ACYP2: variants seen among roughly 807,000 people sequenced by gnomAD.
ACYP2 encodes the protein acylphosphatase 2, also known as acylphosphatase-2.
In ACYP2, 12 loss-of-function variants were observed where a neutral mutation model predicts 11.2. The ratio of observed to expected loss-of-function variants is 1.08; its 90% CI spans 0.69 to 1.74. ACYP2 has a LOEUF of 1.74. ACYP2 is among the 40% of genes most tolerant of loss of function. The probability of loss-of-function intolerance (pLI) is 0.00; values close to 1 mark genes in which losing one functional copy is unlikely to be tolerated. For missense variants in ACYP2, 134 were observed against 101.9 expected, an observed-to-expected ratio of 1.31 and a Z score of -1.35; for synonymous variants, 43 against 32.2, an observed-to-expected ratio of 1.33 and a Z score of -1.13.
chr2:54,255,703 A>G lies in ACYP2; in HGVS notation c.405-48985A>G, dbSNP rs774931245. 6.2e-6 allele frequency: 10 copies of G among 1,613,798 alleles called. No individual in the cohort carries two copies. In the Admixed American group the frequency reaches 1.2e-4, roughly 19 times the overall value. On this transcript the variant is annotated intron_variant, in intron 6 of 6. Coordinates refer to ENST00000607452, the MANE Select transcript of ACYP2 (RefSeq NM_001320586.2). ...GAACATGGCACACTCCTCAGGCTTC[A>G]CGTCCTCGGCCTTCCCCTCTGCAAT...
chr2:54,243,862 T>C (rs79732586), intron 6 of ACYP2, among the ~76,000 whole-genome samples: 5,244 of 152,062 alleles, frequency 0.034, 123 homozygotes, highest in Non-Finnish European at 0.055. Context: ...GGCAGGCCCA[T>C]AGTCCATCAC....
intron 4 of ACYP2, among the ~76,000 whole-genome samples, chr2:54,081,108 G>T (rs1677621839): frequency 6.6e-6 from 1 of 152,060 alleles, no homozygotes; most frequent in Admixed American, 6.6e-5. Flanking sequence ...TTTTATAGTG[G>T]CAGACAATGA....
At chr2:54,040,924 G>T (rs1361988347) in intron 2 of ACYP2, among the ~76,000 whole-genome samples, 1 of 152,142 alleles carries the variant, frequency 6.6e-6, no homozygotes, top group Non-Finnish European at 1.5e-5. Context: ...AAAAATGGGA[G>T]AAATAGTGTT....
intron 6 of ACYP2, among the ~76,000 whole-genome samples, chr2:54,157,487 T>G (rs1172597045): frequency 1.3e-5 from 2 of 152,248 alleles, no homozygotes; most frequent in African/African-American, 4.8e-5. Context: ...TCTGCAGTTT[T>G]TTTGCTATTA....
chr2:54,005,276 T>C (rs1041088989), intron 2 of ACYP2, among the ~76,000 whole-genome samples: 1 of 152,194 alleles, frequency 6.6e-6, no homozygotes, highest in African/African-American at 2.4e-5. Flanking sequence ...GAAAAGACTA[T>C]ATTTTCTCCA....
chr2:54,020,645 G>T (rs1038005129), intron 2 of ACYP2, among the ~76,000 whole-genome samples: 5 of 152,182 alleles, frequency 3.3e-5, no homozygotes, highest in Non-Finnish European at 7.3e-5. Context: ...CTGCTTTCTT[G>T]TGACAGCAGT....
chr2:54,282,824 TG>T (rs1688906729), intron 6 of ACYP2, among the ~76,000 whole-genome samples: 1 of 152,168 alleles, frequency 6.6e-6, no homozygotes. Flanking sequence ...CACAGGTAGC[TG>T]TGTGTATACT....
At chr2:54,140,519 TTC>T (rs200211917) in intron 6 of ACYP2, among the ~76,000 whole-genome samples, 9 of 31,724 alleles carry the variant, frequency 2.8e-4, no homozygotes, top group East Asian at 1.3e-3. Context: ...CATGTTCACA[TTC>T]TCTCTCTCAC....
intron 6 of ACYP2, among the ~76,000 whole-genome samples, chr2:54,240,830 T>A (rs1686700765): frequency 6.6e-6 from 1 of 152,208 alleles, no homozygotes; most frequent in Non-Finnish European, 1.5e-5. Context: ...CTTGCTTCAG[T>A]GGCTTAGGCT....
At position 54,064,618 on chromosome 2, in the gene ACYP2, T is replaced by C. The variant is rs372922237; in HGVS notation, c.277+7258T>C. ...CCTGAGTGTACTTAGTTGTACACCGTGGTAACTAAAAACACTGTACCTTAT... is the reference window on the plus strand; with the variant it reads ...CCTGAGTGTACTTAGTTGTACACCGCGGTAACTAAAAACACTGTACCTTAT... On this transcript the variant is annotated intron_variant, in intron 4 of 6. Transcript: ENST00000607452. 4.6e-5 allele frequency among the ~76,000 whole-genome samples: 7 copies of C among 152,298 alleles called. No homozygotes were observed. The East Asian group carries it at 9.6e-4, about 21-fold the overall frequency.
At chr2:54,286,688 T>C (rs1224219709) in intron 6 of ACYP2, among the ~76,000 whole-genome samples, 2 of 152,042 alleles carry the variant, frequency 1.3e-5, no homozygotes, top group African/African-American at 4.8e-5. Flanking sequence ...TTTTCTCAGG[T>C]TTTAAATGAA....
intron 6 of ACYP2, among the ~76,000 whole-genome samples, chr2:54,201,871 G>C: frequency 6.6e-6 from 1 of 151,422 alleles, no homozygotes; most frequent in Non-Finnish European, 1.5e-5. Context: ...CCCACGCCTG[G>C]CTAATTTTGT....
chr2:54,186,872 TTAAA>T, intron 6 of ACYP2, among the ~76,000 whole-genome samples: 1 of 152,088 alleles, frequency 6.6e-6, no homozygotes, highest in East Asian at 1.9e-4. Context: ...AGCATAGTAG[TTAAA>T]TAAATTACAA....
At chr2:54,185,325 A>G (rs1249264484) in intron 6 of ACYP2, among the ~76,000 whole-genome samples, 2 of 152,190 alleles carry the variant, frequency 1.3e-5, no homozygotes, top group Non-Finnish European at 1.5e-5. Context: ...CAGCCATTCT[A>G]TGCCCATGAG....
At chr2:54,051,505 T>C (rs1675865474) in intron 3 of ACYP2, 5 of 697,172 alleles carry the variant, frequency 7.2e-6, no homozygotes, top group African/African-American at 1.8e-5. Flanking sequence ...TCCTTTGGGC[T>C]TTTTTTCTGT....
intron 2 of ACYP2, among the ~76,000 whole-genome samples, chr2:54,037,715 T>A (rs778411675): frequency 9.9e-5 from 15 of 152,190 alleles, no homozygotes; most frequent in Non-Finnish European, 2.1e-4. Flanking sequence ...GCCTAAAACA[T>A]GCTTTTAATT....
At chr2:54,053,187 C>T (rs972800637) in intron 3 of ACYP2, among the ~76,000 whole-genome samples, 3 of 152,200 alleles carry the variant, frequency 2.0e-5, no homozygotes, top group Non-Finnish European at 4.4e-5. Context: ...CAGCTCTTTT[C>T]TTGACTGGCA....
intron 6 of ACYP2, among the ~76,000 whole-genome samples, chr2:54,198,173 C>T (rs1684595331): frequency 6.6e-6 from 1 of 152,080 alleles, no homozygotes; most frequent in Admixed American, 6.5e-5. Context: ...GCCTGCGCCA[C>T]TGCACATGGC....
At chr2:54,158,021 T>A (rs917068637) in intron 6 of ACYP2, among the ~76,000 whole-genome samples, 1 of 151,762 alleles carries the variant, frequency 6.6e-6, no homozygotes, top group African/African-American at 2.4e-5. Context: ...CTTTCTTTCT[T>A]TTATTATTAT....
Sources: gnomAD v4.1 joint callset for allele counts (sites outside exome capture counted in the v4.1 genomes callset) on GRCh38, gnomAD v4.1.1 for gene constraint, MANE v1.5 for transcripts, NCBI Gene and HGNC (gene_info 2026-07-23, HGNC 2026-07-21) for gene names.